The following ANO6 variants were observed in gnomAD, a reference collection of about 807,000 sequenced individuals.
ANO6 encodes anoctamin 6.
ANO6 carries 106 observed loss-of-function variants against 117.5 expected under a neutral mutation model. The observed-to-expected ratio is 0.90, with a 90% CI of 0.77 to 1.06. The LOEUF (loss-of-function observed/expected upper bound fraction) is 1.06, where lower values mean the gene tolerates loss of function less well. Among genes scored for constraint, ANO6 ranks in the 50% least tolerant of loss-of-function variants. The pLI is 0.00. For missense variants in ANO6, 955 were observed against 1,121.1 expected (o/e 0.85, Z 2.12); for synonymous variants, 367 against 385.1 (o/e 0.95, Z 0.55).
In ANO6 at chr12:45,409,470, A is replaced by T; in HGVS notation, c.1994A>T (p.Tyr665Phe). 1 of 1,613,878 alleles carries T rather than the reference A, an allele frequency of 6.2e-7. No individual in the cohort carries two copies. Among genetic ancestry groups the T allele is most frequent in the Non-Finnish European group, 8.5e-7 (1 of 1,179,890 alleles). The part of the protein sequence containing the change: ...LQPMGKLGLF[Y>F]EYLEMIIQFG... ...CCTATGGGCAAACTGGGATTATTTT[A>T]TGAATATCTTGAAATGAGTAAGTTG... Residue 665 changes from tyrosine to phenylalanine, a missense_variant, in exon 16 of 20, where the codon TAT (tyrosine) becomes TTT (phenylalanine). Transcript: ENST00000320560.
At chr12:45,251,513 T>C (rs1592873011) in intron 1 of ANO6, among the ~76,000 whole-genome samples, 1 of 152,214 alleles carries the variant, frequency 6.6e-6, no homozygotes, top group African/African-American at 2.4e-5. Flanking sequence ...GATGGGGCTG[T>C]ACATTGGAGT....
At chr12:45,392,530 G>A (rs533035860) in intron 12 of ANO6, among the ~76,000 whole-genome samples, 6 of 152,312 alleles carry the variant, frequency 3.9e-5, no homozygotes, top group East Asian at 1.9e-4. Flanking sequence ...CTCTGAGAAC[G>A]GACAGACTGC....
intron 10 of ANO6, 105 bp from the exon 11 acceptor site, chr12:45,388,056 G>C: frequency 6.8e-7 from 1 of 1,462,040 alleles, no homozygotes. Context: ...TTATAGCAGT[G>C]TGAAAACAGG....
chr12:45,402,992 C>T (rs1446848841), intron 13 of ANO6, 80 bp from the exon 14 acceptor site: 1 of 1,315,256 alleles, frequency 7.6e-7, no homozygotes, highest in South Asian at 1.2e-5. Context: ...AACGTGTTAA[C>T]TCATGTATCA....
intron 2 of ANO6, among the ~76,000 whole-genome samples, chr12:45,306,382 C>T (rs1939669577): frequency 6.6e-6 from 1 of 151,956 alleles, no homozygotes; most frequent in Admixed American, 6.6e-5. Context: ...TAGGATAAAT[C>T]AGGGAAGATG....
At chr12:45,326,655 TA>T (rs1170699013) in intron 2 of ANO6, among the ~76,000 whole-genome samples, 13 of 152,146 alleles carry the variant, frequency 8.5e-5, no homozygotes, top group African/African-American at 3.1e-4. Context: ...ACTAATTTAG[TA>T]AAAATGAACT....
At chr12:45,391,056 G>A (rs1942436756) in intron 12 of ANO6, among the ~76,000 whole-genome samples, 1 of 152,028 alleles carries the variant, frequency 6.6e-6, no homozygotes. Flanking sequence ...AGGAGACGGA[G>A]GTTGCAGTGA....
intron 1 of ANO6, among the ~76,000 whole-genome samples, chr12:45,253,197 T>C (rs1937686506): frequency 6.6e-6 from 1 of 152,216 alleles, no homozygotes; most frequent in South Asian, 2.1e-4. Flanking sequence ...ATCATGTTTG[T>C]TTAATTGCAT....
chr12:45,288,809 A>G (rs918837422), intron 1 of ANO6, among the ~76,000 whole-genome samples: 12 of 152,032 alleles, frequency 7.9e-5, no homozygotes, highest in African/African-American at 2.9e-4. Flanking sequence ...GTGCAGTGGC[A>G]CTATCGCAGC....
chr12:45,398,447 G>T (rs1896023), intron 12 of ANO6, among the ~76,000 whole-genome samples: 1,960 of 152,348 alleles, frequency 0.013, 40 homozygotes, highest in African/African-American at 0.043. Context: ...CTCCAGCTTC[G>T]TAGAAGGCAG....
At chr12:45,379,346 A>G (rs960359545) in intron 10 of ANO6, among the ~76,000 whole-genome samples, 6 of 152,206 alleles carry the variant, frequency 3.9e-5, no homozygotes, top group Admixed American at 3.9e-4. Flanking sequence ...TTGCCGCTCC[A>G]CAGATAAAGT....
intron 19 of ANO6, among the ~76,000 whole-genome samples, chr12:45,423,849 C>CCTCTGG (rs1455985365): frequency 6.6e-6 from 1 of 152,146 alleles, no homozygotes; most frequent in Non-Finnish European, 1.5e-5. Context: ...GAATGCTTTG[C>CCTCTGG]CAGAAGCCCC....
chr12:45,419,356 G>A (rs1943295808), intron 17 of ANO6, among the ~76,000 whole-genome samples: 1 of 152,156 alleles, frequency 6.6e-6, no homozygotes. Context: ...ACATCTGCCA[G>A]TGATTCTATA....
rs1430291301 is a variant in ANO6, at chr12:45,348,543, A to T, written c.659A>T (p.Lys220Met). 3 of 1,614,030 alleles carry T rather than the reference A, an allele frequency of 1.9e-6. No homozygotes were observed. The highest frequency in any genetic ancestry group is 8.5e-7 in the Non-Finnish European group (1 of 1,179,918). ...RIVYFILSRVKYQVINNVSKF... is the reference protein window; with the variant it reads ...RIVYFILSRVMYQVINNVSKF... Reference sequence around the variant, plus strand: ...GTTTACTTCATCCTCTCTCGGGTCAAGTATCAAGTGATAAACAATGTTAGC... The same window carrying T: ...GTTTACTTCATCCTCTCTCGGGTCATGTATCAAGTGATAAACAATGTTAGC... Residue 220 changes from lysine to methionine, a missense_variant, in exon 6 of 20, where the codon AAG becomes ATG. Lys to Met is a moderately conservative substitution (Grantham distance 95, BLOSUM62 -1). Coordinates refer to ENST00000320560, the MANE Select transcript of ANO6 (RefSeq NM_001025356.3).
At chr12:45,257,232 T>C (rs1051408371) in intron 1 of ANO6, among the ~76,000 whole-genome samples, 1 of 152,156 alleles carries the variant, frequency 6.6e-6, no homozygotes, top group Non-Finnish European at 1.5e-5. Context: ...CTGAGGGCAG[T>C]CTCATTCACA....
intron 2 of ANO6, among the ~76,000 whole-genome samples, chr12:45,320,935 T>A (rs1180257803): frequency 1.3e-5 from 2 of 152,164 alleles, no homozygotes; most frequent in Non-Finnish European, 2.9e-5. Flanking sequence ...AGACTAGGAT[T>A]GCAACCCCTG....
intron 3 of ANO6, among the ~76,000 whole-genome samples, chr12:45,341,247 G>A (rs143727761): frequency 9.3e-4 from 141 of 152,276 alleles, no homozygotes; most frequent in Admixed American, 3.1e-3. Context: ...GGGCAGTACA[G>A]CAATACATAT....
chr12:45,408,518 C>G (rs1943002374), intron 15 of ANO6, among the ~76,000 whole-genome samples: 1 of 152,188 alleles, frequency 6.6e-6, no homozygotes, highest in Non-Finnish European at 1.5e-5. Flanking sequence ...GGGCAGTATC[C>G]ACGGGTGGAC....
At chr12:45,249,715 G>A (rs1488285259) in intron 1 of ANO6, among the ~76,000 whole-genome samples, 5 of 152,178 alleles carry the variant, frequency 3.3e-5, no homozygotes, top group African/African-American at 1.2e-4. Flanking sequence ...TCTTCTGGAT[G>A]AAAATGTTAG....
Sources: allele counts gnomAD v4.1 joint callset (sites outside exome capture counted in the v4.1 genomes callset), GRCh38; gene constraint gnomAD v4.1.1; transcripts MANE v1.5; gene names NCBI Gene and HGNC (gene_info 2026-07-23, HGNC 2026-07-21).